ATP8B1: variants seen among roughly 807,000 people sequenced by gnomAD.
The protein encoded by ATP8B1 is phospholipid-transporting ATPase IC.
Under a neutral mutation model 149.9 loss-of-function variants are expected in ATP8B1, and 80 were observed. That is an observed-to-expected ratio of 0.53 (90% CI 0.45 to 0.64). The LOEUF (loss-of-function observed/expected upper bound fraction) is 0.64. Among genes scored for constraint, ATP8B1 ranks in the 30% least tolerant of loss-of-function variants. The pLI is 0.00. For missense variants in ATP8B1, 1,247 were observed against 1,552.6 expected (o/e 0.80, Z 3.31); for synonymous variants, 536 against 562.8 (o/e 0.95, Z 0.67).
At chr18:57,775,529 C>T (rs1415807102) in intron 1 of ATP8B1, among the ~76,000 whole-genome samples, 2 of 151,718 alleles carry the variant, frequency 1.3e-5, no homozygotes, top group Non-Finnish European at 2.9e-5. Flanking sequence ...GGAATTCTAA[C>T]TCCATATTAT....
At chr18:57,787,436 AGGAGCTCCATCTAGAACACTGCG>A (rs1379497104) in intron 1 of ATP8B1, among the ~76,000 whole-genome samples, 40 of 135,374 alleles carry the variant, frequency 3.0e-4, no homozygotes, top group African/African-American at 9.6e-4. Flanking sequence ...ACACTGCGGG[AGGAGCTCCATCTAGAACACTGCG>A]GGAGGAGCTC....
At chr18:57,675,151 G>A (rs924647304) in intron 15 of ATP8B1, 129 bp from the exon 16 acceptor site, 32 of 889,372 alleles carry the variant, frequency 3.6e-5, no homozygotes, top group Non-Finnish European at 5.0e-5. Flanking sequence ...CCAGGAAAAC[G>A]AGTCATTGAC....
chr18:57,791,583 A>T (rs762736082), intron 1 of ATP8B1, among the ~76,000 whole-genome samples: 43 of 151,870 alleles, frequency 2.8e-4, no homozygotes, highest in Non-Finnish European at 4.4e-4. Context: ...GCCTCAAGTT[A>T]TCCCCCAGCC....
intron 1 of ATP8B1, among the ~76,000 whole-genome samples, chr18:57,776,981 CTT>C (rs781610628): frequency 2.2e-4 from 30 of 138,578 alleles, no homozygotes; most frequent in Admixed American, 6.6e-4. Flanking sequence ...TTTTCTCAGG[CTT>C]TTTTTTTTTT....
At chr18:57,659,793 A>G (rs1206309388) in intron 22 of ATP8B1, 1 of 152,282 alleles carries the variant, frequency 6.6e-6, no homozygotes, top group Non-Finnish European at 1.5e-5. Flanking sequence ...TATTCTTAGT[A>G]TACATCAAGG....
At position 57,705,907 on chromosome 18, in the gene ATP8B1, G is replaced by A. The variant is rs1256847236; in HGVS notation, c.279+583C>T. 2.0e-5 allele frequency among the ~76,000 whole-genome samples: 3 copies of A among 152,134 alleles called. No individual in the cohort carries two copies. In the South Asian group the frequency reaches 6.2e-4, roughly 32 times the overall value. ...ACAGAGTCTCACTCCTGTCACCCAA[G>A]CTGGAGTGCAATGGCACAATTTCAG... On this transcript the variant is annotated intron_variant, in intron 3 of 27. Coordinates refer to ENST00000648908, the MANE Select transcript of ATP8B1 (RefSeq NM_001374385.1).
At chr18:57,668,033 A>G in intron 19 of ATP8B1, 1 of 1,241,100 alleles carries the variant, frequency 8.1e-7, no homozygotes, top group Non-Finnish European at 1.0e-6. Context: ...CAAGCAATAA[A>G]ATTGGCAAGA....
At chr18:57,672,919 T>TACAA (rs1568189334) in intron 16 of ATP8B1, among the ~76,000 whole-genome samples, 1 of 55,690 alleles carries the variant, frequency 1.8e-5, no homozygotes, top group Admixed American at 2.8e-4. Flanking sequence ...TATATATATA[T>TACAA]ATATATATAT....
chr18:57,665,396 T>A (rs1910783953), intron 20 of ATP8B1, among the ~76,000 whole-genome samples: 1 of 152,122 alleles, frequency 6.6e-6, no homozygotes, highest in Admixed American at 6.6e-5. Context: ...TACTTTAGCT[T>A]CGGGACCAAT....
At chr18:57,785,772 T>C (rs902681793) in intron 1 of ATP8B1, among the ~76,000 whole-genome samples, 7 of 152,276 alleles carry the variant, frequency 4.6e-5, no homozygotes, top group Non-Finnish European at 8.8e-5. Context: ...TCCCAAAGTG[T>C]TGGGATTACA....
At position 57,704,651 on chromosome 18, in the gene ATP8B1, T is replaced by A. The variant is rs575921074; in HGVS notation, c.297A>T (p.Thr99=). ...ESKYANNAIK[T]YKYNAFTFIP... is the part of the protein sequence containing the mutation. ...TAAAGGTAAATGCGTTGTACTTGTATGTTTTAATTGCATTATTCTGTTGGA... is the reference window on the plus strand; with the variant it reads ...TAAAGGTAAATGCGTTGTACTTGTAAGTTTTAATTGCATTATTCTGTTGGA... The change falls in exon 4 of 28, where the codon ACA becomes ACT. Residue 99 remains threonine (T), a synonymous_variant. Transcript: ENST00000648908. 7.5e-6 allele frequency: 12 copies of A among 1,602,802 alleles called. No homozygotes were observed. In the African/African-American group the frequency reaches 1.5e-4, roughly 20 times the overall value.
At chr18:57,782,565 A>G (rs1179358152) in intron 1 of ATP8B1, among the ~76,000 whole-genome samples, 1 of 152,202 alleles carries the variant, frequency 6.6e-6, no homozygotes, top group East Asian at 1.9e-4. Flanking sequence ...CTCAGGCATC[A>G]ATGTTTTTGA....
chr18:57,731,716 T>C lies in ATP8B1; in HGVS notation c.92A>G (p.Asp31Gly), dbSNP rs756469755. 1.9e-6 allele frequency: 3 copies of C among 1,614,156 alleles called. No individual in the cohort carries two copies. In the Admixed American group the frequency reaches 5.0e-5, roughly 27 times the overall value. The stretch of plus-strand genomic sequence containing the variant: ...AGCAGACCCCTGGTCATCAAGTTCA[T>C]CTTCTGTTTCATCATCACTGTAGGG... ...VVPYSDDETE[D>G]ELDDQGSAVE... Residue 31 changes from aspartate to glycine, a missense_variant, in exon 2 of 28, where the codon GAT becomes GGT. Coordinates refer to ENST00000648908, the MANE Select transcript of ATP8B1 (RefSeq NM_001374385.1).
rs1437065845 is a variant in ATP8B1, at chr18:57,731,715, A to G, written c.93T>C (p.Asp31=). The stretch of plus-strand genomic sequence containing the variant: ...CAGCAGACCCCTGGTCATCAAGTTC[A>G]TCTTCTGTTTCATCATCACTGTAGG... The part of the protein sequence containing the change: ...VVPYSDDETE[D]ELDDQGSAVE... Residue 31 remains aspartate, a synonymous_variant, in exon 2 of 28, where the codon GAT becomes GAC. Transcript: ENST00000648908. The G allele has an allele frequency of 3.7e-6, 6 of 1,614,094 alleles. No homozygotes were observed. The highest frequency in any genetic ancestry group is 5.1e-6 in the Non-Finnish European group (6 of 1,180,016).
intron 2 of ATP8B1, among the ~76,000 whole-genome samples, chr18:57,710,433 G>T (rs1181181700): frequency 6.6e-6 from 1 of 152,092 alleles, no homozygotes; most frequent in Admixed American, 6.6e-5. Flanking sequence ...GTGCCATCTG[G>T]AAGAGCAGAT....
intron 2 of ATP8B1, among the ~76,000 whole-genome samples, chr18:57,725,851 C>T (rs1371064643): frequency 6.6e-6 from 1 of 152,174 alleles, no homozygotes; most frequent in Admixed American, 6.5e-5. Flanking sequence ...AAAGTAGACC[C>T]CATCTCTTGT....
chr18:57,738,574 G>A (rs551817880), intron 1 of ATP8B1, among the ~76,000 whole-genome samples: 3 of 152,076 alleles, frequency 2.0e-5, no homozygotes, highest in Non-Finnish European at 2.9e-5. Context: ...AGCTGAGATC[G>A]CGCCATTGCA....
At position 57,650,378 on chromosome 18, in the gene ATP8B1, C is replaced by G. The variant is rs1375321692; in HGVS notation, c.3520G>C (p.Glu1174Gln). ...TATATTCTTTATACCTTATCACTTT[C>G]TGATGGCCAGATGGTCATTGACAGG... is the stretch of plus-strand genomic sequence containing the variant. ...RFLSMTIWPS[E>Q]SDKIQKHRKR... is the part of the protein sequence containing the mutation. The change falls in exon 27 of 28, where the codon GAA becomes CAA. Residue 1174 changes from glutamate to glutamine, a missense_variant. Glu to Gln is a conservative substitution (Grantham distance 29, BLOSUM62 2). Around this residue, in one of 3 missense-constraint regions of ATP8B1, gnomAD observed 164 missense variants for 160.3 expected, o/e 1.02. Coordinates refer to ENST00000648908, the MANE Select transcript of ATP8B1 (RefSeq NM_001374385.1). The G allele has an allele frequency of 6.2e-7, 1 of 1,613,434 alleles. No individual in the cohort carries two copies. Among genetic ancestry groups the G allele is most frequent in the Non-Finnish European group, 8.5e-7 (1 of 1,179,644 alleles).
intron 6 of ATP8B1, 32 bp from the exon 7 acceptor site, chr18:57,697,899 C>T (rs745760584): frequency 1.9e-6 from 3 of 1,549,532 alleles, no homozygotes; most frequent in East Asian, 2.2e-5. Flanking sequence ...GATTTATTGA[C>T]ATTTTAAGTT....
Sources: allele counts gnomAD v4.1 joint callset (sites outside exome capture counted in the v4.1 genomes callset), GRCh38; gene constraint gnomAD v4.1.1; regional missense constraint gnomAD v4.1.1; transcripts MANE v1.5; gene names NCBI Gene and HGNC (gene_info 2026-07-23, HGNC 2026-07-21).